PIN4: variants seen among roughly 807,000 people sequenced by gnomAD.
PIN4 encodes peptidylprolyl cis/trans isomerase, NIMA-interacting 4.
Under a neutral mutation model 8.3 loss-of-function variants are expected in PIN4, and 3 were observed. The ratio of observed to expected loss-of-function variants is 0.36; its 90% CI spans 0.16 to 0.93. PIN4 has a LOEUF of 0.93. Ranked by LOEUF, PIN4 falls within the 40% of genes least tolerant of loss-of-function variation. PIN4 has a pLI of 0.44. For missense variants in PIN4, 75 were observed against 100.6 expected (o/e 0.75, Z 1.09); for synonymous variants, 18 against 32.5 (o/e 0.55, Z 1.52).
intron 3 of PIN4, among the ~76,000 whole-genome samples, chrX:72,253,288 C>G (rs1490519906): frequency 8.9e-6 from 1 of 112,273 alleles, no homozygotes; most frequent in East Asian, 2.8e-4. Context: ...GGTTTCCTAA[C>G]TAGTCTCCCT....
Position 72,192,753 on chromosome X carries a change from C to T in PIN4, c.118-4032C>T, listed in dbSNP as rs896292530. Among the ~76,000 whole-genome samples the T allele has an allele frequency of 3.6e-5, 4 of 109,877 alleles. No individual in the cohort carries two copies. The South Asian group carries it at 1.6e-3, about 43-fold the overall frequency. ...AGACTACAGATGTGCACCACCATGC[C>T]CGGCTAATTTTTTTTAAAGTTTTTG... On this transcript the variant is annotated intron_variant, in intron 2 of 3. Coordinates refer to ENST00000373669, the MANE Select transcript of PIN4 (RefSeq NM_006223.4).
chrX:72,191,140 C>A (rs2042730762), intron 2 of PIN4, among the ~76,000 whole-genome samples: 2 of 109,001 alleles, frequency 1.8e-5, no homozygotes, highest in South Asian at 8.2e-4. Flanking sequence ...GAACTTCATT[C>A]CATGGTTCTC....
intron 2 of PIN4, among the ~76,000 whole-genome samples, chrX:72,191,508 G>A (rs1450913310): frequency 9.2e-6 from 1 of 109,198 alleles, no homozygotes; most frequent in African/African-American, 3.4e-5. Flanking sequence ...CTGAGATTGC[G>A]CCACTGCACT....
At chrX:72,239,143 G>T in intron 3 of PIN4, 1 of 388,289 alleles carries the variant, frequency 2.6e-6, no homozygotes. Flanking sequence ...GGGCGCCTGC[G>T]CCTACGCGCG....
intron 3 of PIN4, among the ~76,000 whole-genome samples, chrX:72,211,517 C>G (rs1307768123): frequency 8.9e-6 from 1 of 111,902 alleles, no homozygotes; most frequent in African/African-American, 3.2e-5. Context: ...AATCACCTCC[C>G]ACAAGGTGTC....
chrX:72,238,990 T>C (rs773454139), intron 3 of PIN4: 300 of 932,685 alleles, frequency 3.2e-4, no homozygotes, highest in Non-Finnish European at 4.2e-4. Context: ...GAGCTTAGAG[T>C]TTGGAGCTTG....
downstream of PIN4, among the ~76,000 whole-genome samples, chrX:72,200,163 A>G (rs190559018): frequency 0.025 from 2,640 of 105,320 alleles, 95 homozygotes; most frequent in African/African-American, 0.085. Flanking sequence ...AACTGTCTCA[A>G]AAAAAAAAAA....
intron 3 of PIN4, among the ~76,000 whole-genome samples, chrX:72,212,202 C>T (rs1208325721): frequency 1.8e-5 from 2 of 109,553 alleles, no homozygotes; most frequent in East Asian, 2.9e-4. Context: ...ACGTGAAAGG[C>T]GGGGGTTGCA....
rs769062677 is a variant in PIN4, at chrX:72,223,340, T to TAA, written c.312+26451_312+26452dup. ...GGGCAAAAAGAGTGAAACTCTGTCT[T>TAA]AAAAAAAAAAAAAAAATTAGAGGAA... On this transcript the variant is annotated intron_variant, in intron 3 of 3. Coordinates refer to the PIN4 transcript ENST00000423432. Among the ~76,000 whole-genome samples, 41 of 82,760 alleles carry TAA rather than the reference T, an allele frequency of 5.0e-4. No individual in the cohort carries two copies. In the East Asian group the frequency reaches 8.0e-3, roughly 16 times the overall value. The allele number at this position is 82,760 out of a possible 115,157, so 71.9% of individuals were successfully genotyped here.
intron 3 of PIN4, among the ~76,000 whole-genome samples, chrX:72,241,772 C>T (rs1434072801): frequency 2.7e-5 from 3 of 110,095 alleles, no homozygotes; most frequent in African/African-American, 1.0e-4. Context: ...GCCAAGATCA[C>T]GCCATTGGCA....
In PIN4 at chrX:72,208,712, A is replaced by G. The variant is rs200160110; in HGVS notation, c.312+11808A>G. ...TCTTTCACATATCTATAGAAAAAAAAAGAAGAAGAGGAGAAAGGAAACATT... is the reference window on the plus strand; with the variant it reads ...TCTTTCACATATCTATAGAAAAAAAGAGAAGAAGAGGAGAAAGGAAACATT... On this transcript the variant is annotated intron_variant, in intron 3 of 3. Coordinates refer to the PIN4 transcript ENST00000423432. 21 of 1,143,311 alleles carry G rather than the reference A, an allele frequency of 1.8e-5. No individual in the cohort carries two copies. In the East Asian group the frequency reaches 5.4e-4, roughly 29 times the overall value. The allele number at this position is 1,143,311 out of a possible 1,213,427, so 94.2% of individuals were successfully genotyped here. A position where few individuals can be genotyped will look rare whatever the true frequency, so the allele number is the denominator to read the frequency against.
Position 72,255,284 on chromosome X carries a change from A to G in PIN4, c.313-7423A>G, listed in dbSNP as rs1396723495. Among the ~76,000 whole-genome samples the G allele has an allele frequency of 3.8e-5, 4 of 103,973 alleles. No homozygotes were observed. The Admixed American group carries it at 4.2e-4, about 11-fold the overall frequency. The allele number at this position is 103,973 out of a possible 115,157, so 90.3% of individuals were successfully genotyped here. On this transcript the variant is annotated intron_variant, in intron 3 of 3. Transcript: ENST00000423432. ...GACCCCATCTCTAAAAATAATAATA[A>G]TAATAATAATAATAATAATAGTAAT...
At chrX:72,242,692 C>T (rs2043053425) in intron 3 of PIN4, among the ~76,000 whole-genome samples, 1 of 112,665 alleles carries the variant, frequency 8.9e-6, no homozygotes, top group African/African-American at 3.2e-5. Flanking sequence ...GCTCCCATTC[C>T]CCCAGCGTCT....
At chrX:72,217,440 T>C (rs2042892774) in intron 3 of PIN4, among the ~76,000 whole-genome samples, 1 of 111,840 alleles carries the variant, frequency 8.9e-6, no homozygotes, top group African/African-American at 3.2e-5. Context: ...ACAGAAAGCC[T>C]TACGCTTTTT....
At chrX:72,209,340 TATTCCAG>T (rs1271425040) in intron 3 of PIN4, among the ~76,000 whole-genome samples, 1 of 112,059 alleles carries the variant, frequency 8.9e-6, no homozygotes, top group Non-Finnish European at 1.9e-5. Context: ...TCTAGACCCA[TATTCCAG>T]CTGCCTTCTG....
chrX:72,261,260 A>G (rs1416934427), intron 3 of PIN4, among the ~76,000 whole-genome samples: 2 of 100,651 alleles, frequency 2.0e-5, no homozygotes, highest in African/African-American at 3.7e-5. Flanking sequence ...GTGCCATTGC[A>G]CTCCAGCTTG....
chrX:72,249,848 A>G (rs1460093452), intron 3 of PIN4, among the ~76,000 whole-genome samples: 1 of 111,423 alleles, frequency 9.0e-6, no homozygotes, highest in Non-Finnish European at 1.9e-5. Context: ...CAATATCACA[A>G]TTCACTGAAC....
chrX:72,209,463 C>A (rs968719867), intron 3 of PIN4, among the ~76,000 whole-genome samples: 3 of 112,268 alleles, frequency 2.7e-5, no homozygotes, highest in African/African-American at 9.7e-5. Flanking sequence ...ACACTACCAT[C>A]TATTTAGCCA....
intron 3 of PIN4, among the ~76,000 whole-genome samples, chrX:72,245,559 G>A (rs990174682): frequency 3.6e-5 from 4 of 111,467 alleles, no homozygotes; most frequent in African/African-American, 9.8e-5. Context: ...GTGGGATTTG[G>A]GGGTAGGGGA....
Sources: gnomAD v4.1 joint callset for allele counts (sites outside exome capture counted in the v4.1 genomes callset) on GRCh38, gnomAD v4.1.1 for gene constraint, MANE v1.5 for transcripts, NCBI Gene and HGNC (gene_info 2026-07-23, HGNC 2026-07-21) for gene names.